The following DOCK7 variants were observed in gnomAD, a reference collection of about 807,000 sequenced individuals.
DOCK7 encodes the protein dedicator of cytokinesis 7.
DOCK7 carries 138 observed loss-of-function variants against 271.0 expected under a neutral mutation model. The ratio of observed to expected loss-of-function variants is 0.51; its 90% CI spans 0.44 to 0.59. The LOEUF is 0.59. Among genes scored for constraint, DOCK7 ranks in the 20% least tolerant of loss-of-function variants. The pLI is 0.00. For missense variants in DOCK7, 2,066 were observed against 2,592.4 expected (o/e 0.80, Z 4.41); for synonymous variants, 823 against 876.1 (o/e 0.94, Z 1.07).
intron 31 of DOCK7, among the ~76,000 whole-genome samples, chr1:62,517,174 T>TA (rs1481648863): frequency 6.6e-6 from 1 of 152,220 alleles, no homozygotes; most frequent in African/African-American, 2.4e-5. Context: ...GAATACCACT[T>TA]ACTACACACA....
At chr1:62,501,552 A>G (rs959535580) in intron 37 of DOCK7, among the ~76,000 whole-genome samples, 1 of 152,140 alleles carries the variant, frequency 6.6e-6, no homozygotes, top group Non-Finnish European at 1.5e-5. Flanking sequence ...GAGAAAAGAA[A>G]ATCAGCAATT....
rs1245613393 is a variant in DOCK7 at position 62,663,140 on chromosome 1, A to G, written c.39-10T>C. ...TTCGGCTGCCACCGTTCTACAATGA[A>G]GAAAGCAAAAACATACGCATTATTG... On this transcript the variant is annotated splice_polypyrimidine_tract_variant and intron_variant, in intron 1 of 49. Coordinates refer to ENST00000635253, the MANE Select transcript of DOCK7 (RefSeq NM_001367561.1). 1 of 1,601,350 alleles carries G rather than the reference A, an allele frequency of 6.2e-7. No individual in the cohort carries two copies. The highest frequency in any genetic ancestry group is 1.3e-5 in the African/African-American group (1 of 74,566).
At chr1:62,604,216 C>G in intron 14 of DOCK7, 1 of 1,613,266 alleles carries the variant, frequency 6.2e-7, no homozygotes, top group Non-Finnish European at 8.5e-7. Flanking sequence ...GACACTTCAA[C>G]TGTCCAGAGG....
At chr1:62,479,264 G>A (rs1232112864) in intron 43 of DOCK7, among the ~76,000 whole-genome samples, 1 of 107,708 alleles carries the variant, frequency 9.3e-6, no homozygotes, top group South Asian at 2.9e-4. Flanking sequence ...TAATTTACCA[G>A]TTTTATAATA....
At chr1:62,461,275 C>A (rs1283231348) in intron 48 of DOCK7, among the ~76,000 whole-genome samples, 1 of 151,844 alleles carries the variant, frequency 6.6e-6, no homozygotes. Context: ...GAAAAAGATT[C>A]TACAGATAAA....
At chr1:62,639,087 T>TAATCA (rs1655653831) in intron 7 of DOCK7, among the ~76,000 whole-genome samples, 3 of 152,174 alleles carry the variant, frequency 2.0e-5, no homozygotes, top group Admixed American at 2.0e-4. Context: ...TCTAGTTGTC[T>TAATCA]AATCATGTAC....
intron 36 of DOCK7, among the ~76,000 whole-genome samples, chr1:62,505,135 AT>A (rs1375823998): frequency 6.6e-6 from 1 of 152,208 alleles, no homozygotes; most frequent in Admixed American, 6.5e-5. Flanking sequence ...TACGTAAGTT[AT>A]TTTCATCAAC....
chr1:62,580,272 A>G (rs1647074147), intron 16 of DOCK7, among the ~76,000 whole-genome samples: 1 of 152,202 alleles, frequency 6.6e-6, no homozygotes, highest in Admixed American at 6.5e-5. Flanking sequence ...AATAAACAAG[A>G]AAGATAGCTA....
chr1:62,481,683 C>T (rs1646131210), intron 43 of DOCK7: 1 of 152,362 alleles, frequency 6.6e-6, no homozygotes. Context: ...ATTCTACTTA[C>T]TGCTTCCACA....
intron 16 of DOCK7, 69 bp from the exon 17 acceptor site, chr1:62,579,035 T>C (rs1022795518): frequency 5.2e-5 from 68 of 1,319,052 alleles, no homozygotes; most frequent in Non-Finnish European, 6.3e-5. Flanking sequence ...ATTTGTATAT[T>C]TGAATAATTT....
At chr1:62,543,053 C>T (rs938831572) in intron 24 of DOCK7, among the ~76,000 whole-genome samples, 2 of 151,978 alleles carry the variant, frequency 1.3e-5, no homozygotes, top group African/African-American at 4.8e-5. Context: ...TAAACATACG[C>T]AAATACATGC....
chr1:62,615,590 A>G (rs1018390281), intron 14 of DOCK7, among the ~76,000 whole-genome samples: 4 of 151,822 alleles, frequency 2.6e-5, no homozygotes, highest in Non-Finnish European at 5.9e-5. Flanking sequence ...CTAAATCAGT[A>G]TTCATATTCA....
At chr1:62,515,429 T>C (rs17123694) in intron 31 of DOCK7, among the ~76,000 whole-genome samples, 5,596 of 152,356 alleles carry the variant, frequency 0.037, 254 homozygotes, top group African/African-American at 0.11. Context: ...AGACACTTTT[T>C]ATAGCCGAAC....
chr1:62,489,153 A>G, intron 41 of DOCK7, 88 bp from the exon 42 acceptor site: 11 of 1,291,392 alleles, frequency 8.5e-6, no homozygotes, highest in Non-Finnish European at 1.0e-5. Flanking sequence ...TATTTCTATT[A>G]AGATAATACA....
At chr1:62,618,566 A>G (rs565059111) in intron 14 of DOCK7, 140 bp downstream of exon 14, 1 of 693,906 alleles carries the variant, frequency 1.4e-6, no homozygotes, top group African/African-American at 1.8e-5. Context: ...CGTGAAAACT[A>G]TTAATAAAAT....
chr1:62,571,323 A>G (rs1404766327), intron 18 of DOCK7, among the ~76,000 whole-genome samples: 2 of 152,232 alleles, frequency 1.3e-5, no homozygotes, highest in East Asian at 1.9e-4. Context: ...ACTGATCATC[A>G]GATAAATGCA....
Position 62,634,772 on chromosome 1 carries a change from C to T in DOCK7, c.1035+1G>A. 6.2e-7 allele frequency: 1 copy of T among 1,610,482 alleles called. No homozygotes were observed. Among genetic ancestry groups the T allele is most frequent in the Non-Finnish European group, 8.5e-7 (1 of 1,177,764 alleles). On this transcript the variant is annotated splice_donor_variant, in intron 9 of 49. Transcript: ENST00000635253. LOFTEE classifies it high-confidence loss of function. The stretch of plus-strand genomic sequence containing the variant: ...ACAAATATATTTAACATTATTCTCA[C>T]CTTTATTACAAGAAAAACATCTTGG...
rs774321763 is a variant in DOCK7, at chr1:62,457,638, G to C, written c.6280C>G (p.Leu2094Val). ...TTAAGGCGATGATAGTTTCTCTCCA[G>C]TTCCCTTTGATACTCCTTTTGATCC... is the stretch of plus-strand genomic sequence containing the variant. ...GPDQKEYQRE[L>V]ERNYHRLKEA... Residue 2094 changes from leucine to valine, a missense_variant, in exon 49 of 50, where the codon CTG becomes GTG. Coordinates refer to ENST00000635253, the MANE Select transcript of DOCK7 (RefSeq NM_001367561.1). 1 of 1,614,138 alleles carries C rather than the reference G, an allele frequency of 6.2e-7. No homozygotes were observed.
At chr1:62,596,243 G>C (rs1649229320) in intron 14 of DOCK7, among the ~76,000 whole-genome samples, 1 of 152,076 alleles carries the variant, frequency 6.6e-6, no homozygotes, top group Non-Finnish European at 1.5e-5. Flanking sequence ...TACAGATGAG[G>C]AGACTAATCC....
Sources: gnomAD v4.1 joint callset for allele counts (sites outside exome capture counted in the v4.1 genomes callset) on GRCh38, gnomAD v4.1.1 for gene constraint, MANE v1.5 for transcripts, NCBI Gene and HGNC (gene_info 2026-07-23, HGNC 2026-07-21) for gene names.